Variants in KCNH5 observed in about 807,000 individuals in gnomAD.
KCNH5 encodes the protein potassium voltage-gated channel subfamily H member 5, also known as voltage-gated delayed rectifier potassium channel KCNH5.
A neutral mutation model predicts 96.1 loss-of-function variants in KCNH5; 46 were observed. That is an observed-to-expected ratio of 0.48 (90% CI 0.38 to 0.61). The LOEUF (loss-of-function observed/expected upper bound fraction) is 0.61, where lower values mean the gene tolerates loss of function less well. Ranked by LOEUF, KCNH5 falls within the 20% of genes least tolerant of loss-of-function variation. KCNH5 has a pLI of 0.00. For synonymous variants in KCNH5, 439 were observed against 449.8 expected (o/e 0.98, Z 0.30); for missense variants, 907 against 1,225.8 (o/e 0.74, Z 3.88).
intron 7 of KCNH5, among the ~76,000 whole-genome samples, chr14:62,943,894 C>A (rs923108910): frequency 6.6e-6 from 1 of 152,102 alleles, no homozygotes; most frequent in African/African-American, 2.4e-5. Flanking sequence ...GAAATCTGAA[C>A]AGGAAGATTT....
At chr14:63,029,613 T>C (rs1268806555) in intron 1 of KCNH5, among the ~76,000 whole-genome samples, 4 of 151,966 alleles carry the variant, frequency 2.6e-5, no homozygotes, top group Non-Finnish European at 4.4e-5. Context: ...ACCTATAAAA[T>C]TGTATTTATC....
At chr14:62,909,745 G>C (rs1889113200) in intron 7 of KCNH5, among the ~76,000 whole-genome samples, 1 of 151,878 alleles carries the variant, frequency 6.6e-6, no homozygotes, top group Admixed American at 6.6e-5. Flanking sequence ...TATTTGTCCA[G>C]AGTGAGCCCG....
At chr14:63,044,854 C>T (rs187494911) in intron 1 of KCNH5, among the ~76,000 whole-genome samples, 1 of 152,326 alleles carries the variant, frequency 6.6e-6, no homozygotes, top group East Asian at 1.9e-4. Context: ...TATCCAACCC[C>T]TTTCTTTCCT....
intron 3 of KCNH5, among the ~76,000 whole-genome samples, 194 bp from the exon 4 acceptor site, chr14:63,001,653 T>A (rs925629983): frequency 7.9e-5 from 12 of 152,230 alleles, no homozygotes; most frequent in African/African-American, 2.9e-4. Flanking sequence ...TGTTCAAATT[T>A]AATAAACACA....
At chr14:62,934,532 C>A (rs1463421861) in intron 7 of KCNH5, among the ~76,000 whole-genome samples, 1 of 152,146 alleles carries the variant, frequency 6.6e-6, no homozygotes, top group Non-Finnish European at 1.5e-5. Flanking sequence ...TGCCAGGCCT[C>A]AGCATGATCG....
intron 6 of KCNH5, among the ~76,000 whole-genome samples, chr14:62,976,791 T>A (rs1042010605): frequency 6.6e-6 from 1 of 152,196 alleles, no homozygotes; most frequent in African/African-American, 2.4e-5. Context: ...AGGAAAATTA[T>A]CTCTAGCCAA....
intron 2 of KCNH5, among the ~76,000 whole-genome samples, chr14:63,006,732 T>A (rs188634609): frequency 3.5e-4 from 53 of 152,280 alleles, no homozygotes; most frequent in African/African-American, 1.2e-3. Flanking sequence ...ATGTTAACTG[T>A]GAGTAATTGC....
intron 7 of KCNH5, among the ~76,000 whole-genome samples, chr14:62,906,716 A>G (rs1028162599): frequency 3.3e-5 from 5 of 152,194 alleles, no homozygotes; most frequent in Admixed American, 6.5e-5. Flanking sequence ...CCATCAATAG[A>G]ATACAAATTA....
At chr14:62,909,156 C>T (rs991953891) in intron 7 of KCNH5, among the ~76,000 whole-genome samples, 8 of 146,974 alleles carry the variant, frequency 5.4e-5, no homozygotes, top group African/African-American at 2.0e-4. Context: ...CGCCATTCTC[C>T]TGCCTCAGCC....
intron 9 of KCNH5, among the ~76,000 whole-genome samples, chr14:62,787,613 GAA>G (rs1251584369): frequency 2.6e-5 from 4 of 152,114 alleles, no homozygotes; most frequent in Non-Finnish European, 5.9e-5. Flanking sequence ...TAGATAGAGA[GAA>G]GTCAAAAACT....
intron 9 of KCNH5, among the ~76,000 whole-genome samples, chr14:62,786,923 C>T (rs1886331752): frequency 6.6e-6 from 1 of 152,122 alleles, no homozygotes; most frequent in African/African-American, 2.4e-5. Flanking sequence ...CATTCCCCAA[C>T]TCCCTCTTCC....
At chr14:62,726,276 C>T (rs181041592) in intron 10 of KCNH5, among the ~76,000 whole-genome samples, 27 of 151,794 alleles carry the variant, frequency 1.8e-4, no homozygotes, top group Admixed American at 1.4e-3. Context: ...AAAGTGGTAA[C>T]CATAAAGGGA....
At position 62,761,356 on chromosome 14, in the gene KCNH5, CAAA is replaced by C. The variant is rs5809168; in HGVS notation, c.2019+18369_2019+18371del. On this transcript the variant is annotated intron_variant, in intron 10 of 10. Coordinates refer to ENST00000322893, the MANE Select transcript of KCNH5 (RefSeq NM_139318.5). ...GGTGACAGAATGAGACTCACTCTCTCAAAAAAAAAAAAAAAAGGATTATGGTCC... is the reference window on the plus strand; with the variant it reads ...GGTGACAGAATGAGACTCACTCTCTCAAAAAAAAAAAAAGGATTATGGTCC... Among the ~76,000 whole-genome samples, 134 of 127,390 alleles carry C rather than the reference CAAA, an allele frequency of 1.1e-3. No individual in the cohort carries two copies. The Middle Eastern group carries it at 0.013, about 13-fold the overall frequency. 83.6% of individuals were successfully genotyped at this position (127,390 alleles called of 152,430 possible). A position where few individuals can be genotyped will look rare whatever the true frequency, so the allele number is the denominator to read the frequency against.
intron 10 of KCNH5, among the ~76,000 whole-genome samples, chr14:62,769,746 AACTGCTGGGC>A (rs961439810): frequency 2.0e-5 from 3 of 152,244 alleles, no homozygotes; most frequent in African/African-American, 7.2e-5. Flanking sequence ...TGATGATAAA[AACTGCTGGGC>A]AGCGTGACAG....
At chr14:62,974,651 C>T (rs1890468454) in intron 6 of KCNH5, among the ~76,000 whole-genome samples, 1 of 152,148 alleles carries the variant, frequency 6.6e-6, no homozygotes, top group African/African-American at 2.4e-5. Flanking sequence ...GTTATTAAGT[C>T]TTCTAAGTCA....
At chr14:62,748,077 T>C (rs1476458522) in intron 10 of KCNH5, among the ~76,000 whole-genome samples, 2 of 152,124 alleles carry the variant, frequency 1.3e-5, no homozygotes, top group Non-Finnish European at 2.9e-5. Context: ...CAAGAGAGGG[T>C]TCTTTGATCT....
intron 2 of KCNH5, among the ~76,000 whole-genome samples, chr14:63,007,229 A>C (rs1345038353): frequency 1.3e-5 from 2 of 152,130 alleles, no homozygotes; most frequent in Non-Finnish European, 2.9e-5. Context: ...CACCAGTTTA[A>C]AAACAAACCA....
intron 7 of KCNH5, among the ~76,000 whole-genome samples, chr14:62,936,391 A>C: frequency 6.6e-6 from 1 of 152,122 alleles, no homozygotes; most frequent in East Asian, 1.9e-4. Flanking sequence ...AAAGAAAAAC[A>C]AGCTCAGGTG....
intron 6 of KCNH5, among the ~76,000 whole-genome samples, chr14:62,952,823 A>T (rs1038144177): frequency 1.3e-5 from 2 of 152,130 alleles, no homozygotes; most frequent in Non-Finnish European, 2.9e-5. Context: ...ATCTCTAGCA[A>T]GCAGATTGCT....
Sources: gnomAD v4.1 joint callset for allele counts (sites outside exome capture counted in the v4.1 genomes callset) on GRCh38, gnomAD v4.1.1 for gene constraint, MANE v1.5 for transcripts, NCBI Gene and HGNC (gene_info 2026-07-23, HGNC 2026-07-21) for gene names.